ADCK1: variants seen among roughly 807,000 people sequenced by gnomAD.
The protein encoded by ADCK1 is aarF domain containing kinase 1.
ADCK1 carries 41 observed loss-of-function variants against 52.3 expected under a neutral mutation model. The observed-to-expected ratio is 0.78, with a 90% CI of 0.61 to 1.02. ADCK1 has a LOEUF of 1.02. Among genes scored for constraint, ADCK1 ranks in the 50% least tolerant of loss-of-function variants. The pLI is 0.00. For missense variants in ADCK1, 658 were observed against 679.5 expected, an observed-to-expected ratio of 0.97 and a Z score of 0.35; for synonymous variants, 250 against 274.6, an observed-to-expected ratio of 0.91 and a Z score of 0.89.
At chr14:77,869,282 G>T (rs191000378) in intron 4 of ADCK1, among the ~76,000 whole-genome samples, 6 of 152,168 alleles carry the variant, frequency 3.9e-5, no homozygotes, top group African/African-American at 9.7e-5. Context: ...TTCTGAGGCC[G>T]CGAGGGAGGA....
chr14:77,847,514 G>T (rs575904456), intron 3 of ADCK1, among the ~76,000 whole-genome samples: 77 of 152,364 alleles, frequency 5.1e-4, no homozygotes, highest in Non-Finnish European at 8.2e-4. Flanking sequence ...AGGTTGCAGT[G>T]AGCTGAGATC....
intron 3 of ADCK1, among the ~76,000 whole-genome samples, chr14:77,833,736 G>T (rs1179037709): frequency 6.6e-6 from 1 of 152,116 alleles, no homozygotes; most frequent in Non-Finnish European, 1.5e-5. Context: ...AGTCCTGGGG[G>T]TTAATGTGGG....
intron 10 of ADCK1, among the ~76,000 whole-genome samples, chr14:77,932,362 G>C (rs1302928931): frequency 6.6e-6 from 1 of 152,184 alleles, no homozygotes; most frequent in Non-Finnish European, 1.5e-5. Flanking sequence ...GATCTTTTTA[G>C]ATGCCTCAGC....
chr14:77,863,709 C>A lies in ADCK1; in HGVS notation c.423+4430C>A, dbSNP rs148433798. Among the ~76,000 whole-genome samples, 131 of 152,016 alleles carry A rather than the reference C, an allele frequency of 8.6e-4. 1 individual carries two copies. Among genetic ancestry groups the A allele is most frequent in the African/African-American group, 2.9e-3 (121 of 41,480 alleles). On this transcript the variant is annotated intron_variant, in intron 4 of 10. Coordinates refer to ENST00000238561, the MANE Select transcript of ADCK1 (RefSeq NM_020421.4). ...AAAATTAGCTGGGTGTGGTGGTGGG[C>A]GCTTGTCATCCAAGCTACTTGGAAG...
chr14:77,857,013 G>T (rs574104981), intron 3 of ADCK1, among the ~76,000 whole-genome samples: 120 of 152,138 alleles, frequency 7.9e-4, no homozygotes, highest in African/African-American at 2.8e-3. Flanking sequence ...AGCAAAGCTT[G>T]AAGTGGACAG....
chr14:77,819,183 G>C, intron 2 of ADCK1, 70 bp downstream of exon 2: 1 of 1,594,148 alleles, frequency 6.3e-7, no homozygotes, highest in South Asian at 1.1e-5. Context: ...ACATGTAGCA[G>C]ATAGACATGC....
At chr14:77,907,668 T>A in intron 6 of ADCK1, 135 bp from the exon 7 acceptor site, 1 of 617,322 alleles carries the variant, frequency 1.6e-6, no homozygotes, top group Non-Finnish European at 2.8e-6. Flanking sequence ...CTGTCACCGC[T>A]GAGGTCCCTC....
At chr14:77,818,478 C>T (rs574083996) in intron 1 of ADCK1, among the ~76,000 whole-genome samples, 4 of 152,218 alleles carry the variant, frequency 2.6e-5, no homozygotes, top group South Asian at 2.1e-4. Flanking sequence ...GACGGGGTTT[C>T]GTCTTGTTGC....
rs369475416 is a variant in ADCK1 at position 77,915,339 on chromosome 14, C to G, written c.858+7420C>G. On this transcript the variant is annotated intron_variant, in intron 7 of 10. Transcript: ENST00000238561. ...CTAATGCTATCCCTCCCCCCTCCCC[C>G]CTACCCCCAGCCTACAACAGGCCCC... is the stretch of plus-strand genomic sequence containing the variant. Among the ~76,000 whole-genome samples, 7 of 148,672 alleles carry G rather than the reference C, an allele frequency of 4.7e-5. No homozygotes were observed. The East Asian group carries it at 5.9e-4, about 13-fold the overall frequency.
chr14:77,902,208 A>G lies in ADCK1; in HGVS notation c.741+2950A>G, dbSNP rs59291944. ...CCACTTGAGAATCCGCAGGAGGAAGAACCGCAGCTGTGTTGATCAGTGCAG... is the reference window on the plus strand; with the variant it reads ...CCACTTGAGAATCCGCAGGAGGAAGGACCGCAGCTGTGTTGATCAGTGCAG... On this transcript the variant is annotated intron_variant, in intron 6 of 10. Coordinates refer to ENST00000238561, the MANE Select transcript of ADCK1 (RefSeq NM_020421.4). Among the ~76,000 whole-genome samples the G allele has an allele frequency of 4.6e-3, 704 of 152,326 alleles. 8 individuals are homozygous for G. The highest frequency in any genetic ancestry group is 0.016 in the African/African-American group (660 of 41,568).
chr14:77,931,289 T>C (rs1366034313), intron 9 of ADCK1, among the ~76,000 whole-genome samples: 3 of 152,214 alleles, frequency 2.0e-5, no homozygotes, highest in African/African-American at 7.2e-5. Flanking sequence ...TCCAACGCTT[T>C]CCTAGAAGTT....
At chr14:77,814,556 G>A (rs139208622) in intron 1 of ADCK1, among the ~76,000 whole-genome samples, 159 of 151,752 alleles carry the variant, frequency 1.0e-3, no homozygotes, top group African/African-American at 3.5e-3. Flanking sequence ...AGCAAATGGC[G>A]AAACCCCATC....
intron 1 of ADCK1, among the ~76,000 whole-genome samples, chr14:77,803,813 A>G (rs2139984079): frequency 6.6e-6 from 1 of 152,336 alleles, no homozygotes; most frequent in Middle Eastern, 3.4e-3. Flanking sequence ...TGAGAACAGC[A>G]GTAAGGACTT....
chr14:77,863,653 A>G (rs1284886968), intron 4 of ADCK1, among the ~76,000 whole-genome samples: 1 of 152,102 alleles, frequency 6.6e-6, no homozygotes, highest in Non-Finnish European at 1.5e-5. Context: ...CCTGGCCAAC[A>G]TGGGGAAACC....
intron 1 of ADCK1, among the ~76,000 whole-genome samples, chr14:77,817,514 C>T (rs1471786845): frequency 6.6e-6 from 1 of 152,176 alleles, no homozygotes; most frequent in African/African-American, 2.4e-5. Flanking sequence ...GTTGGGTGCA[C>T]TGGCCGCAAA....
intron 6 of ADCK1, among the ~76,000 whole-genome samples, chr14:77,904,095 G>C (rs949591749): frequency 1.3e-5 from 2 of 152,056 alleles, no homozygotes; most frequent in East Asian, 3.9e-4. Flanking sequence ...TTGCTCTGTG[G>C]GGAAGTTGTG....
In ADCK1 at chr14:77,821,295, A is replaced by G. The variant is rs79700698; in HGVS notation, c.136-1140A>G. On this transcript the variant is annotated intron_variant, in intron 2 of 10. Coordinates refer to ENST00000238561, the MANE Select transcript of ADCK1 (RefSeq NM_020421.4). Reference sequence around the variant, plus strand: ...CAGCCACAAAGCTGTCCATTTTTTAAAGGCCAGAGCTCTGGTCTGGATTGT... The same window carrying G: ...CAGCCACAAAGCTGTCCATTTTTTAGAGGCCAGAGCTCTGGTCTGGATTGT... Among the ~76,000 whole-genome samples the G allele has an allele frequency of 5.1e-3, 778 of 152,264 alleles. 10 individuals carry two copies. The highest frequency in any genetic ancestry group is 0.017 in the African/African-American group (719 of 41,554).
intron 3 of ADCK1, among the ~76,000 whole-genome samples, chr14:77,845,341 C>T (rs1233175937): frequency 1.3e-5 from 2 of 152,178 alleles, no homozygotes; most frequent in Non-Finnish European, 2.9e-5. Context: ...TGAGAAAATA[C>T]ATGTATAAAG....
intron 7 of ADCK1, among the ~76,000 whole-genome samples, chr14:77,912,636 T>C (rs1441734948): frequency 6.6e-6 from 1 of 152,084 alleles, no homozygotes; most frequent in Non-Finnish European, 1.5e-5. Flanking sequence ...AAGGGCTAGA[T>C]AGGAGTGACA....
Sources: allele counts gnomAD v4.1 joint callset (sites outside exome capture counted in the v4.1 genomes callset), GRCh38; gene constraint gnomAD v4.1.1; transcripts MANE v1.5; gene names NCBI Gene and HGNC (gene_info 2026-07-23, HGNC 2026-07-21).